KCNJ1: variants seen among roughly 807,000 people sequenced by gnomAD.
The protein encoded by KCNJ1 is potassium inwardly rectifying channel subfamily J member 1, also known as ATP-sensitive inward rectifier potassium channel 1.
In KCNJ1, 24 loss-of-function variants were observed where a neutral mutation model predicts 21.9. The observed-to-expected ratio is 1.10, with a 90% CI of 0.79 to 1.54. The LOEUF is 1.54. Among genes scored for constraint, KCNJ1 ranks in the 40% most tolerant of loss-of-function variants. The pLI is 0.00. For missense variants in KCNJ1, 457 were observed against 455.4 expected (o/e 1.00, Z -0.03); for synonymous variants, 152 against 160.9 (o/e 0.94, Z 0.42).
Position 128,840,282 on chromosome 11 carries a change from A to T in KCNJ1, c.-21-18T>A. The stretch of plus-strand genomic sequence containing the variant: ...ACCCTGATCTGAAAACACATCAAAG[A>T]AAAACAAAAAAGGATTATGTTTATA... On this transcript the variant is annotated intron_variant, in intron 2 of 2. Transcript: ENST00000392666. 1 of 1,613,382 alleles carries T rather than the reference A, an allele frequency of 6.2e-7. No homozygotes were observed. The highest frequency in any genetic ancestry group is 8.5e-7 in the Non-Finnish European group (1 of 1,179,296).
intron 2 of KCNJ1, among the ~76,000 whole-genome samples, chr11:128,843,478 G>T (rs1362596495): frequency 1.3e-5 from 2 of 152,128 alleles, no homozygotes; most frequent in African/African-American, 4.8e-5. Context: ...CAGCATTCTT[G>T]TTCTATAAAC....
intron 2 of KCNJ1, among the ~76,000 whole-genome samples, chr11:128,848,157 G>T (rs192224105): frequency 6.6e-6 from 1 of 151,908 alleles, no homozygotes; most frequent in Non-Finnish European, 1.5e-5. Flanking sequence ...GCGTGGTGGC[G>T]GGCGCCTGTA....
intron 2 of KCNJ1, among the ~76,000 whole-genome samples, chr11:128,843,542 G>C (rs940200541): frequency 6.6e-6 from 1 of 152,150 alleles, no homozygotes; most frequent in East Asian, 1.9e-4. Flanking sequence ...CTGATTGTAT[G>C]CTTGTTCTGT....
At position 128,839,353 on chromosome 11, in the gene KCNJ1, TG is replaced by T; in HGVS notation, c.890del (p.Pro297GlnfsTer13). The T allele has an allele frequency of 6.2e-7, 1 of 1,614,156 alleles. No homozygotes were observed. The highest frequency in any genetic ancestry group is 8.5e-7 in the Non-Finnish European group (1 of 1,180,006). ...ATCQVRTSYV[P>X]EEVLWGYRFA... is the part of the protein sequence containing the mutation. ...AACGGTAGCCCCAAAGCACCTCCTC[TG>T]GGACATAGGATGTCCGGACTTGGCA... On this transcript the variant is annotated frameshift_variant, in exon 3 of 3. Transcript: ENST00000392666. LOFTEE classifies it high-confidence loss of function.
intron 1 of KCNJ1, among the ~76,000 whole-genome samples, chr11:128,851,290 T>A (rs1057484191): frequency 2.0e-5 from 3 of 152,232 alleles, no homozygotes; most frequent in African/African-American, 4.8e-5. Context: ...TCAAAAGATG[T>A]ATGTAGACAG....
At chr11:128,866,163 A>T (rs1034942453) in intron 1 of KCNJ1, among the ~76,000 whole-genome samples, 1 of 152,226 alleles carries the variant, frequency 6.6e-6, no homozygotes, top group African/African-American at 2.4e-5. Context: ...CCATGACTGA[A>T]GGGAGCCCAC....
Position 128,838,750 on chromosome 11 carries a change from C to T in KCNJ1, c.*375G>A. The T allele has an allele frequency of 4.6e-6, 1 of 219,456 alleles. No homozygotes were observed. Among genetic ancestry groups the T allele is most frequent in the East Asian group, 1.2e-4 (1 of 8,058 alleles). The allele number at this position is 219,456 out of a possible 1,614,324, so 13.6% of individuals were successfully genotyped here. ...AATGAGATTATTATTGTCCCCTGAT[C>T]CTTTCTAAAGTTCATAACTTCTTTA... On this transcript the variant is annotated 3_prime_UTR_variant, in exon 3 of 3. Transcript: ENST00000392666.
At chr11:128,856,594 TCTTCTTTTC>T (rs2135955948) in intron 1 of KCNJ1, among the ~76,000 whole-genome samples, 1 of 152,346 alleles carries the variant, frequency 6.6e-6, no homozygotes, top group African/African-American at 2.4e-5. Flanking sequence ...CCTAGCACCA[TCTTCTTTTC>T]CTTCTTAGCA....
At chr11:128,848,395 T>A (rs1943421301) in intron 2 of KCNJ1, among the ~76,000 whole-genome samples, 1 of 152,010 alleles carries the variant, frequency 6.6e-6, no homozygotes, top group South Asian at 2.1e-4. Context: ...TCTTACTATG[T>A]TTCCCAGGCT....
chr11:128,843,477 T>A (rs1943324128), intron 2 of KCNJ1, among the ~76,000 whole-genome samples: 1 of 152,244 alleles, frequency 6.6e-6, no homozygotes, highest in Non-Finnish European at 1.5e-5. Flanking sequence ...TCAGCATTCT[T>A]GTTCTATAAA....
intron 1 of KCNJ1, among the ~76,000 whole-genome samples, chr11:128,865,839 G>C (rs1018139411): frequency 1.3e-5 from 2 of 151,942 alleles, no homozygotes; most frequent in Non-Finnish European, 2.9e-5. Flanking sequence ...AAGCATGCTT[G>C]GCAATTACAA....
At chr11:128,859,544 C>G (rs1444463595) in intron 1 of KCNJ1, among the ~76,000 whole-genome samples, 1 of 152,236 alleles carries the variant, frequency 6.6e-6, no homozygotes, top group African/African-American at 2.4e-5. Context: ...CCACCGCTCC[C>G]GGACAGAACC....
In KCNJ1 at chr11:128,843,217, T is replaced by A. The variant is rs796739360; in HGVS notation, c.-21-2953A>T. ...GACCTATTATTGCACAGATCCTACT[T>A]TTTTTAGATAATGGCATTTAATCTA... On this transcript the variant is annotated intron_variant, in intron 2 of 2. Transcript: ENST00000392666. Among the ~76,000 whole-genome samples the A allele has an allele frequency of 2.7e-4, 41 of 152,324 alleles. 1 individual carries two copies. Among genetic ancestry groups the A allele is most frequent in the African/African-American group, 9.6e-4 (40 of 41,576 alleles).
chr11:128,855,774 C>T (rs528811107), intron 1 of KCNJ1, among the ~76,000 whole-genome samples: 10 of 152,278 alleles, frequency 6.6e-5, no homozygotes, highest in African/African-American at 2.4e-4. Flanking sequence ...ACAATAAATG[C>T]CAGGCTCCTT....
At position 128,839,347 on chromosome 11, in the gene KCNJ1, C is replaced by T; in HGVS notation, c.897G>A (p.Glu299=). Residue 299 remains glutamate, a synonymous_variant, in exon 3 of 3, where the codon GAG becomes GAA. Coordinates refer to ENST00000392666, the MANE Select transcript of KCNJ1 (RefSeq NM_153766.3). ...GAGCAAAACGGTAGCCCCAAAGCAC[C>T]TCCTCTGGGACATAGGATGTCCGGA... ...CQVRTSYVPE[E]VLWGYRFAPI... is the part of the protein sequence containing the mutation. The T allele has an allele frequency of 6.2e-7, 1 of 1,614,148 alleles. No individual in the cohort carries two copies. The highest frequency in any genetic ancestry group is 2.2e-5 in the East Asian group (1 of 44,884).
chr11:128,846,460 G>A (rs1943381367), intron 2 of KCNJ1, among the ~76,000 whole-genome samples: 1 of 152,146 alleles, frequency 6.6e-6, no homozygotes, highest in South Asian at 2.1e-4. Flanking sequence ...AGCGAAATGG[G>A]CCATATTGGA....
At chr11:128,841,002 C>T (rs1362661227) in intron 2 of KCNJ1, among the ~76,000 whole-genome samples, 1 of 152,174 alleles carries the variant, frequency 6.6e-6, no homozygotes, top group East Asian at 1.9e-4. Context: ...TCACACTTCC[C>T]TAAAATATTT....
At chr11:128,858,273 C>T (rs914516701) in intron 1 of KCNJ1, among the ~76,000 whole-genome samples, 2 of 151,732 alleles carry the variant, frequency 1.3e-5, no homozygotes, top group Admixed American at 1.3e-4. Flanking sequence ...TGCTACAGAC[C>T]AAGCAGAAGT....
At chr11:128,860,671 G>C (rs910962170) in intron 1 of KCNJ1, among the ~76,000 whole-genome samples, 2 of 152,222 alleles carry the variant, frequency 1.3e-5, no homozygotes, top group Non-Finnish European at 2.9e-5. Context: ...CCTGGAAACA[G>C]GGTGACCCCA....
Sources: gnomAD v4.1 joint callset for allele counts (sites outside exome capture counted in the v4.1 genomes callset) on GRCh38, gnomAD v4.1.1 for gene constraint, MANE v1.5 for transcripts, NCBI Gene and HGNC (gene_info 2026-07-23, HGNC 2026-07-21) for gene names.